The following PTPRK variants were observed in gnomAD, a reference collection of about 807,000 sequenced individuals.
PTPRK encodes receptor-type tyrosine-protein phosphatase kappa.
A neutral mutation model predicts 178.0 loss-of-function variants in PTPRK; 75 were observed. The ratio of observed to expected loss-of-function variants is 0.42; its 90% CI spans 0.35 to 0.51. PTPRK has a LOEUF of 0.51. PTPRK is among the 20% of genes least tolerant of loss of function. The pLI is 0.02. For synonymous variants in PTPRK, 637 were observed against 620.6 expected (o/e 1.03, Z -0.39); for missense variants, 1,441 against 1,797.8 (o/e 0.80, Z 3.59).
In PTPRK at chr6:128,266,175, C is replaced by T. The variant is rs1441720581; in HGVS notation, c.496-23573G>A. On this transcript the variant is annotated intron_variant, in intron 3 of 29. Transcript: ENST00000368226. The stretch of plus-strand genomic sequence containing the variant: ...ACACATTTTCTTGCAGGAAGGACGG[C>T]AGTAGGTTGTGGATACAGAACAAGA... Among the ~76,000 whole-genome samples, 5 of 152,076 alleles carry T rather than the reference C, an allele frequency of 3.3e-5. No individual in the cohort carries two copies. In the South Asian group the frequency reaches 6.2e-4, roughly 19 times the overall value.
At chr6:128,194,133 T>C (rs1456708847) in intron 6 of PTPRK, among the ~76,000 whole-genome samples, 1 of 150,346 alleles carries the variant, frequency 6.7e-6, no homozygotes, top group African/African-American at 2.4e-5. Flanking sequence ...TTGCCCAGGC[T>C]AGCGTGCAGT....
intron 8 of PTPRK, among the ~76,000 whole-genome samples, chr6:128,088,161 C>T (rs549923066): frequency 1.5e-4 from 23 of 151,830 alleles, no homozygotes; most frequent in Non-Finnish European, 3.1e-4. Context: ...GTGGATCACT[C>T]GATGTCAGGA....
intron 7 of PTPRK, among the ~76,000 whole-genome samples, chr6:128,108,384 T>G (rs1790087448): frequency 6.6e-6 from 1 of 152,172 alleles, no homozygotes; most frequent in Non-Finnish European, 1.5e-5. Flanking sequence ...ACAAGGTACG[T>G]ACTATGTGCC....
chr6:128,177,640 G>A (rs1022730128), intron 7 of PTPRK, among the ~76,000 whole-genome samples: 4 of 151,656 alleles, frequency 2.6e-5, no homozygotes, highest in African/African-American at 9.7e-5. Context: ...CCACCTATAA[G>A]GAAATGTGCC....
chr6:128,335,158 C>T (rs1203677699), intron 2 of PTPRK, among the ~76,000 whole-genome samples: 1 of 152,122 alleles, frequency 6.6e-6, no homozygotes, highest in Non-Finnish European at 1.5e-5. Flanking sequence ...CCTAAATTAA[C>T]AGCCACGTTC....
chr6:128,115,685 T>TA (rs1791387138), intron 7 of PTPRK, among the ~76,000 whole-genome samples: 1 of 152,174 alleles, frequency 6.6e-6, no homozygotes, highest in South Asian at 2.1e-4. Flanking sequence ...GAATAACAGA[T>TA]ATAAAAGGGA....
chr6:128,089,272 T>C (rs961934205), intron 8 of PTPRK, among the ~76,000 whole-genome samples: 2 of 152,184 alleles, frequency 1.3e-5, no homozygotes, highest in Non-Finnish European at 2.9e-5. Context: ...CCCAACAGTG[T>C]TGTTTTCAAA....
At chr6:128,473,861 A>T (rs1161262363) in intron 1 of PTPRK, among the ~76,000 whole-genome samples, 1 of 152,064 alleles carries the variant, frequency 6.6e-6, no homozygotes, top group African/African-American at 2.4e-5. Flanking sequence ...TTCTAGAATG[A>T]GCATCCATTT....
intron 7 of PTPRK, among the ~76,000 whole-genome samples, chr6:128,121,560 C>A (rs1310007969): frequency 6.6e-6 from 1 of 151,830 alleles, no homozygotes; most frequent in African/African-American, 2.4e-5. Context: ...TATAAAGAAA[C>A]ATAAGTACAA....
chr6:127,991,614 C>T (rs1244533905), intron 19 of PTPRK, among the ~76,000 whole-genome samples: 1 of 145,450 alleles, frequency 6.9e-6, no homozygotes, highest in African/African-American at 2.5e-5. Flanking sequence ...TTGCCCTCTA[C>T]ACTTCCCAAT....
intron 13 of PTPRK, among the ~76,000 whole-genome samples, chr6:128,056,671 G>A (rs1779953222): frequency 6.6e-6 from 1 of 152,020 alleles, no homozygotes; most frequent in South Asian, 2.1e-4. Context: ...TGATACACCT[G>A]CCTCGGCCTC....
At chr6:128,422,689 A>C (rs1335706678) in intron 1 of PTPRK, among the ~76,000 whole-genome samples, 1 of 150,536 alleles carries the variant, frequency 6.6e-6, no homozygotes, top group Non-Finnish European at 1.5e-5. Flanking sequence ...AAAAAAAAAA[A>C]AAAAAAAAAA....
chr6:128,219,185 T>G, intron 5 of PTPRK, 89 bp from the exon 6 acceptor site: 1 of 1,245,082 alleles, frequency 8.0e-7, no homozygotes, highest in South Asian at 1.6e-5. Context: ...TGTGATAAAT[T>G]ATTCTTGTTG....
chr6:128,459,654 G>A (rs1387525647), intron 1 of PTPRK, among the ~76,000 whole-genome samples: 2 of 151,986 alleles, frequency 1.3e-5, no homozygotes, highest in Admixed American at 6.6e-5. Context: ...AACCTTCATG[G>A]GCTGCCATTT....
At chr6:128,167,306 A>G (rs555942502) in intron 7 of PTPRK, among the ~76,000 whole-genome samples, 1 of 152,106 alleles carries the variant, frequency 6.6e-6, no homozygotes, top group South Asian at 2.1e-4. Flanking sequence ...TTAAACATAC[A>G]AGTTTAAATT....
At position 127,981,173 on chromosome 6, in the gene PTPRK, A is replaced by C; in HGVS notation, c.3654T>G (p.Pro1218=). The change falls in exon 25 of 30, where the codon CCT becomes CCG. Residue 1218 remains proline (P), a synonymous_variant. Transcript: ENST00000368226. The part of the protein sequence containing the change: ...MDMLPPDRCL[P]FLITIDGESS... Reference sequence around the variant, plus strand: ...TCTCCCCATCAATTGTAATTAAAAAAGGCAGACATCTGTCAGGTGGCAGCA... The same window carrying C: ...TCTCCCCATCAATTGTAATTAAAAACGGCAGACATCTGTCAGGTGGCAGCA... 2 of 1,614,090 alleles carry C rather than the reference A, an allele frequency of 1.2e-6. No homozygotes were observed. Among genetic ancestry groups the C allele is most frequent in the Admixed American group, 3.3e-5 (2 of 60,030 alleles).
At chr6:128,478,640 A>G (rs78636315) in intron 1 of PTPRK, among the ~76,000 whole-genome samples, 1 of 152,174 alleles carries the variant, frequency 6.6e-6, no homozygotes. Flanking sequence ...GTTTTTTAGC[A>G]AAAGTAAAGA....
intron 15 of PTPRK, 156 bp downstream of exon 15, chr6:128,004,928 T>C: frequency 1.5e-6 from 1 of 645,216 alleles, no homozygotes; most frequent in South Asian, 2.4e-5. Context: ...AGAATCCTTC[T>C]TGTAAATTCC....
chr6:128,479,822 T>G (rs1282223714), intron 1 of PTPRK, among the ~76,000 whole-genome samples: 3 of 152,160 alleles, frequency 2.0e-5, no homozygotes, highest in Non-Finnish European at 4.4e-5. Flanking sequence ...TAACTTCTGG[T>G]TTTTGGTTAA....
Sources: gnomAD v4.1 joint callset for allele counts (sites outside exome capture counted in the v4.1 genomes callset) on GRCh38, gnomAD v4.1.1 for gene constraint, MANE v1.5 for transcripts, NCBI Gene and HGNC (gene_info 2026-07-23, HGNC 2026-07-21) for gene names.